The following TPST1 variants were observed in gnomAD, a reference collection of about 807,000 sequenced individuals.
TPST1 encodes the protein tyrosylprotein sulfotransferase 1.
In TPST1, 20 loss-of-function variants were observed where a neutral mutation model predicts 34.8. That is an observed-to-expected ratio of 0.57 (90% CI 0.40 to 0.84). The LOEUF is 0.84. TPST1 is among the 40% of genes least tolerant of loss of function. The pLI is 0.00. For missense variants in TPST1, 353 were observed against 455.5 expected (o/e 0.78, Z 2.05); for synonymous variants, 152 against 159.4 (o/e 0.95, Z 0.35).
chr7:66,278,777 G>A (rs922157120), intron 2 of TPST1, among the ~76,000 whole-genome samples: 2 of 151,560 alleles, frequency 1.3e-5, no homozygotes, highest in Admixed American at 6.6e-5. Flanking sequence ...CAGCCTGGGT[G>A]GCAGAACGAG....
intron 3 of TPST1, among the ~76,000 whole-genome samples, chr7:66,307,436 A>G (rs1791448254): frequency 6.6e-6 from 1 of 152,226 alleles, no homozygotes; most frequent in Non-Finnish European, 1.5e-5. Flanking sequence ...TCACTTTAAA[A>G]TGAAGTACTT....
chr7:66,223,234 G>A (rs1362731049), intron 1 of TPST1, among the ~76,000 whole-genome samples: 1 of 151,610 alleles, frequency 6.6e-6, no homozygotes, highest in African/African-American at 2.4e-5. Context: ...ATCACTTGAG[G>A]CCAGGGGTTC....
At chr7:66,283,167 A>C (rs746119165) in intron 2 of TPST1, among the ~76,000 whole-genome samples, 1 of 152,050 alleles carries the variant, frequency 6.6e-6, no homozygotes, top group Non-Finnish European at 1.5e-5. Flanking sequence ...AGGCTGAGGC[A>C]GGAGAATCGC....
chr7:66,202,233 G>A (rs1289939167), upstream of TPST1, among the ~76,000 whole-genome samples: 1 of 152,082 alleles, frequency 6.6e-6, no homozygotes, highest in East Asian at 1.9e-4. Context: ...CCTGAGCTTT[G>A]CTTCAGATCA....
intron 1 of TPST1, among the ~76,000 whole-genome samples, chr7:66,222,675 C>G (rs911437183): frequency 2.0e-5 from 3 of 151,926 alleles, no homozygotes; most frequent in African/African-American, 7.3e-5. Context: ...TGAGCAGAGG[C>G]CAGGCGTGGA....
At chr7:66,282,038 A>T (rs1790942663) in intron 2 of TPST1, among the ~76,000 whole-genome samples, 1 of 152,130 alleles carries the variant, frequency 6.6e-6, no homozygotes. Flanking sequence ...GGCCGTGTGT[A>T]TTGAAATGTA....
chr7:66,332,823 A>G lies in TPST1; in HGVS notation c.1045-19682A>G, dbSNP rs1033938363. Among the ~76,000 whole-genome samples, 3 of 152,306 alleles carry G rather than the reference A, an allele frequency of 2.0e-5. No individual in the cohort carries two copies. Among genetic ancestry groups the G allele is most frequent in the Non-Finnish European group, 2.9e-5 (2 of 68,028 alleles). Reference sequence around the variant, plus strand: ...TTAAAGTATACAGGAGGATATGTGTATGTTACGTGCAAATACTACACCATT... The same window carrying G: ...TTAAAGTATACAGGAGGATATGTGTGTGTTACGTGCAAATACTACACCATT... On this transcript the variant is annotated intron_variant, in intron 3 of 5. Transcript: ENST00000304842. The surrounding 1 kb of genome is among the most constrained non-coding windows in gnomAD (Gnocchi z 4.5).
At chr7:66,294,694 G>A (rs1205448120) in intron 3 of TPST1, among the ~76,000 whole-genome samples, 1 of 151,378 alleles carries the variant, frequency 6.6e-6, no homozygotes, top group African/African-American at 2.4e-5. Context: ...CACCTGTAAT[G>A]TTCCCACCTA....
intron 1 of TPST1, among the ~76,000 whole-genome samples, chr7:66,214,871 T>G (rs1022475336): frequency 6.8e-6 from 1 of 147,668 alleles, no homozygotes; most frequent in Admixed American, 6.8e-5. Context: ...TTTTTAAATA[T>G]GTATTATATA....
intron 2 of TPST1, among the ~76,000 whole-genome samples, chr7:66,275,559 T>C (rs1790791270): frequency 6.6e-6 from 1 of 152,226 alleles, no homozygotes; most frequent in African/African-American, 2.4e-5. Context: ...GGAGGAAATC[T>C]TGTCATTTGC....
intron 3 of TPST1, among the ~76,000 whole-genome samples, chr7:66,319,156 T>A (rs113044888): frequency 1.3e-5 from 2 of 152,212 alleles, no homozygotes; most frequent in African/African-American, 2.4e-5. Flanking sequence ...GAATATTTCT[T>A]CTTCTCCGTT....
At chr7:66,223,156 G>T (rs1562801716) in intron 1 of TPST1, among the ~76,000 whole-genome samples, 1 of 151,928 alleles carries the variant, frequency 6.6e-6, no homozygotes, top group Non-Finnish European at 1.5e-5. Context: ...CATTCTAAAG[G>T]TTATGAGGGG....
At chr7:66,259,524 C>T (rs1790444544) in intron 2 of TPST1, among the ~76,000 whole-genome samples, 1 of 151,912 alleles carries the variant, frequency 6.6e-6, no homozygotes, top group South Asian at 2.1e-4. Flanking sequence ...TCCTTCAGGA[C>T]TCCAATTACA....
chr7:66,356,098 G>C (rs943913528), intron 4 of TPST1, among the ~76,000 whole-genome samples: 1 of 151,830 alleles, frequency 6.6e-6, no homozygotes, highest in African/African-American at 2.4e-5. Flanking sequence ...CGTAGAAAAG[G>C]GCCCATAAGG....
intron 1 of TPST1, among the ~76,000 whole-genome samples, chr7:66,233,827 T>G (rs959987904): frequency 4.6e-5 from 7 of 152,210 alleles, no homozygotes; most frequent in Admixed American, 4.6e-4. Context: ...CTTTCCCTCT[T>G]GGTCACTGCC....
chr7:66,205,253 C>T (rs889510612), upstream of TPST1: 2 of 152,276 alleles, frequency 1.3e-5, no homozygotes, highest in Admixed American at 6.5e-5. The surrounding 1 kb of genome is among the most constrained non-coding windows in gnomAD (Gnocchi z 5.0). Flanking sequence ...GACACATCGT[C>T]CGCTCAGCCA....
intron 1 of TPST1, among the ~76,000 whole-genome samples, chr7:66,215,319 A>C (rs922980309): frequency 1.3e-5 from 2 of 149,154 alleles, no homozygotes; most frequent in Non-Finnish European, 3.0e-5. Flanking sequence ...TCCCCTCCCA[A>C]AGTGTTAGGA....
chr7:66,234,400 T>TACACACACACACACACACACACACACAC (rs56139529), intron 1 of TPST1, among the ~76,000 whole-genome samples: 16 of 142,950 alleles, frequency 1.1e-4, no homozygotes, highest in Admixed American at 2.1e-4. Flanking sequence ...AAAGCATGGC[T>TACACACACACACACACACACACACACAC]ACACACACAC....
chr7:66,285,000 CTAA>C (rs1433938884), intron 2 of TPST1, among the ~76,000 whole-genome samples: 3 of 152,094 alleles, frequency 2.0e-5, no homozygotes, highest in Admixed American at 6.6e-5. Context: ...GCACTGAATG[CTAA>C]TAATAATACT....
Sources: allele counts gnomAD v4.1 joint callset (sites outside exome capture counted in the v4.1 genomes callset), GRCh38; gene constraint gnomAD v4.1.1; non-coding constraint Gnocchi (gnomAD v3.1); transcripts MANE v1.5; gene names NCBI Gene and HGNC (gene_info 2026-07-23, HGNC 2026-07-21).